The following CSNK1G3 variants were observed in gnomAD, a reference collection of about 807,000 sequenced individuals.
CSNK1G3 encodes the protein casein kinase 1 gamma 3.
A neutral mutation model predicts 64.3 loss-of-function variants in CSNK1G3; 23 were observed. That is an observed-to-expected ratio of 0.36 (90% confidence interval 0.26 to 0.51). CSNK1G3 has a LOEUF of 0.51. Ranked by LOEUF, CSNK1G3 falls within the 20% of genes least tolerant of loss-of-function variation. The pLI is 0.96. For synonymous variants in CSNK1G3, 158 were observed against 162.2 expected (o/e 0.97, Z 0.20); for missense variants, 357 against 510.5 (o/e 0.70, Z 2.90).
chr5:123,545,863 C>G, intron 2 of CSNK1G3, 22 bp downstream of exon 2: 3 of 1,575,574 alleles, frequency 1.9e-6, no homozygotes, highest in Non-Finnish European at 2.6e-6. Context: ...TTGTTTATTC[C>G]ATTATGTTAG....
At chr5:123,584,761 A>T (rs1414633956) in intron 6 of CSNK1G3, among the ~76,000 whole-genome samples, 1 of 152,158 alleles carries the variant, frequency 6.6e-6, no homozygotes, top group East Asian at 1.9e-4. Flanking sequence ...TCTTTAATTG[A>T]TGCAGAGCTA....
chr5:123,551,562 A>G (rs1244696016), intron 2 of CSNK1G3, among the ~76,000 whole-genome samples: 1 of 152,160 alleles, frequency 6.6e-6, no homozygotes, highest in Non-Finnish European at 1.5e-5. Flanking sequence ...TACAATAAGG[A>G]CAAAATTCAG....
intron 1 of CSNK1G3, among the ~76,000 whole-genome samples, chr5:123,540,334 A>G (rs1249358200): frequency 6.6e-6 from 1 of 151,994 alleles, no homozygotes; most frequent in African/African-American, 2.4e-5. Flanking sequence ...CATTAAGACT[A>G]TATTTTCCTA....
At chr5:123,573,604 T>C in intron 5 of CSNK1G3, 63 bp downstream of exon 5, 1 of 1,419,764 alleles carries the variant, frequency 7.0e-7, no homozygotes, top group Non-Finnish European at 9.6e-7. Flanking sequence ...CACAAATTCA[T>C]ATTAAAAGTT....
chr5:123,589,075 A>G (rs1017116037), intron 8 of CSNK1G3, among the ~76,000 whole-genome samples: 1 of 152,174 alleles, frequency 6.6e-6, no homozygotes, highest in Admixed American at 6.6e-5. Flanking sequence ...CAATTAAGGA[A>G]TAAGAATAAC....
chr5:123,611,732 AGT>A (rs1176577004), intron 12 of CSNK1G3, among the ~76,000 whole-genome samples: 1 of 152,258 alleles, frequency 6.6e-6, no homozygotes, highest in African/African-American at 2.4e-5. Context: ...GTTTAAGAAT[AGT>A]GAACATTATT....
intron 6 of CSNK1G3, among the ~76,000 whole-genome samples, chr5:123,580,463 T>A (rs1384312494): frequency 3.9e-5 from 6 of 152,012 alleles, no homozygotes; most frequent in Admixed American, 1.3e-4. Context: ...AGGTTATTTA[T>A]GTTCAGAAGG....
At chr5:123,597,781 A>G (rs921849872) in intron 10 of CSNK1G3, among the ~76,000 whole-genome samples, 1 of 152,126 alleles carries the variant, frequency 6.6e-6, no homozygotes, top group Admixed American at 6.6e-5. Context: ...TTTGAGTTCA[A>G]ACTCTGTGCC....
chr5:123,545,368 T>C (rs139585027), intron 1 of CSNK1G3, 49 bp from the exon 2 acceptor site: 374 of 225,368 alleles, frequency 1.7e-3, no homozygotes, highest in Non-Finnish European at 2.2e-3. Flanking sequence ...TTCCCAGACA[T>C]ATATTTTAAA....
chr5:123,562,910 TGAAAG>T (rs1461904186), intron 4 of CSNK1G3, among the ~76,000 whole-genome samples: 5 of 152,036 alleles, frequency 3.3e-5, no homozygotes, highest in South Asian at 2.1e-4. Flanking sequence ...TTCATTTACT[TGAAAG>T]TAAGTATATC....
At chr5:123,610,420 C>A (rs1471388153) in intron 12 of CSNK1G3, among the ~76,000 whole-genome samples, 1 of 151,980 alleles carries the variant, frequency 6.6e-6, no homozygotes, top group Non-Finnish European at 1.5e-5. Flanking sequence ...AAAGGATGAG[C>A]AATGAGTCAT....
chr5:123,581,139 A>G (rs571284235), intron 6 of CSNK1G3, among the ~76,000 whole-genome samples: 2 of 151,856 alleles, frequency 1.3e-5, no homozygotes, highest in South Asian at 4.1e-4. Context: ...TTATATTTTA[A>G]CAGTTTAAAA....
chr5:123,544,803 C>T (rs1451324736), intron 1 of CSNK1G3, among the ~76,000 whole-genome samples: 5 of 151,976 alleles, frequency 3.3e-5, no homozygotes, highest in Non-Finnish European at 5.9e-5. Context: ...TGTGAAATTA[C>T]ATTTATGTTT....
At chr5:123,586,661 T>C (rs1016519934) in intron 6 of CSNK1G3, among the ~76,000 whole-genome samples, 1 of 152,192 alleles carries the variant, frequency 6.6e-6, no homozygotes, top group African/African-American at 2.4e-5. Flanking sequence ...CTGTCAATTT[T>C]GATGTATACT....
intron 2 of CSNK1G3, 86 bp from the exon 3 acceptor site, chr5:123,553,021 A>T: frequency 1.4e-6 from 1 of 701,092 alleles, no homozygotes; most frequent in Non-Finnish European, 2.3e-6. Flanking sequence ...TAAATGTATT[A>T]TGTGCTTTTT....
chr5:123,614,564 T>C, exon 13 of CSNK1G3: 4 of 527,060 alleles, frequency 7.6e-6, no homozygotes, highest in South Asian at 8.1e-5. Context: ...CTTTTTCTTT[T>C]TTTTTTTTTC....
exon 13 of CSNK1G3, chr5:123,614,476 C>T (rs1484291139): frequency 3.3e-6 from 4 of 1,229,388 alleles, no homozygotes; most frequent in Non-Finnish European, 3.3e-6. Flanking sequence ...CTGTAGTGAC[C>T]ACGTATATTT....
chr5:123,588,224 AAC>A, intron 7 of CSNK1G3, 71 bp downstream of exon 7: 1 of 1,223,434 alleles, frequency 8.2e-7, no homozygotes, highest in Non-Finnish European at 1.2e-6. Flanking sequence ...CTTCCAACTA[AAC>A]AGTTTTCATA....
rs369462382 is a variant in CSNK1G3 at position 123,532,221 on chromosome 5, T to C, written c.-247-13196T>C. 6.0e-4 allele frequency among the ~76,000 whole-genome samples: 91 copies of C among 152,020 alleles called. No individual in the cohort carries two copies. In the East Asian group the frequency reaches 0.016, roughly 26 times the overall value. On this transcript the variant is annotated intron_variant, in intron 1 of 12. Coordinates refer to ENST00000345990, the Ensembl canonical transcript of CSNK1G3. Reference sequence around the variant, plus strand: ...GCCTGACTACTATAAAGTGCAAAAATACATTTGCTTTGAATGGGTACTGAA... The same window carrying C: ...GCCTGACTACTATAAAGTGCAAAAACACATTTGCTTTGAATGGGTACTGAA...
Sources: allele counts gnomAD v4.1 joint callset (sites outside exome capture counted in the v4.1 genomes callset), GRCh38; gene constraint gnomAD v4.1.1; transcripts MANE v1.5; gene names NCBI Gene and HGNC (gene_info 2026-07-23, HGNC 2026-07-21).